Variants in EYS observed in about 807,000 individuals in gnomAD.
EYS encodes the protein protein eyes shut homolog.
Under a neutral mutation model 282.1 loss-of-function variants are expected in EYS, and 250 were observed. That is an observed-to-expected ratio of 0.89 (90% confidence interval 0.80 to 0.98). The LOEUF (loss-of-function observed/expected upper bound fraction) is 0.98. Among genes scored for constraint, EYS ranks in the 50% least tolerant of loss-of-function variants. The pLI is 0.00. For missense variants in EYS, 4,016 were observed against 3,709.0 expected, an observed-to-expected ratio of 1.08 and a Z score of -2.15; for synonymous variants, 1,355 against 1,282.9, an observed-to-expected ratio of 1.06 and a Z score of -1.20.
At chr6:65,618,426 T>A (rs1281579011) in intron 2 of EYS, among the ~76,000 whole-genome samples, 1 of 152,264 alleles carries the variant, frequency 6.6e-6, no homozygotes, top group Non-Finnish European at 1.5e-5. Context: ...TATATTTGTT[T>A]GAGTTCATTG....
intron 19 of EYS, among the ~76,000 whole-genome samples, chr6:64,837,398 C>A (rs1029891548): frequency 3.3e-5 from 5 of 151,200 alleles, no homozygotes; most frequent in Non-Finnish European, 5.9e-5. Context: ...AAATTGAAAT[C>A]TTTTCCCCTA....
chr6:65,248,731 GA>G (rs199666318), intron 12 of EYS, among the ~76,000 whole-genome samples: 17 of 149,744 alleles, frequency 1.1e-4, no homozygotes, highest in East Asian at 7.8e-4. Context: ...ATTCAAGGCA[GA>G]AAAAAAAATA....
chr6:63,929,230 A>C (rs560441195), intron 35 of EYS, among the ~76,000 whole-genome samples: 1 of 152,232 alleles, frequency 6.6e-6, no homozygotes, highest in Non-Finnish European at 1.5e-5. Context: ...TCTACTAAAC[A>C]AAAGCCCAGG....
chr6:65,534,489 G>T (rs1767894764), intron 2 of EYS, among the ~76,000 whole-genome samples: 1 of 151,958 alleles, frequency 6.6e-6, no homozygotes, highest in Non-Finnish European at 1.5e-5. Flanking sequence ...TGAAAGTAGA[G>T]CTCTGACCCA....
chr6:64,081,235 T>C (rs1771955078), intron 32 of EYS, among the ~76,000 whole-genome samples: 1 of 152,128 alleles, frequency 6.6e-6, no homozygotes, highest in African/African-American at 2.4e-5. Context: ...GAGAAAACAA[T>C]TGTCAAATTT....
At chr6:64,801,845 T>C (rs1341283516) in intron 22 of EYS, among the ~76,000 whole-genome samples, 1 of 151,996 alleles carries the variant, frequency 6.6e-6, no homozygotes, top group Non-Finnish European at 1.5e-5. Flanking sequence ...AAATGTACCA[T>C]ACCCGTCTTA....
intron 15 of EYS, among the ~76,000 whole-genome samples, chr6:64,931,287 T>G (rs16896066): frequency 0.032 from 4,913 of 152,202 alleles, 251 homozygotes; most frequent in African/African-American, 0.11. Context: ...GTATATAATT[T>G]TCTTCAAATA....
At chr6:64,583,472 C>CCAT (rs1766137849) in intron 26 of EYS, among the ~76,000 whole-genome samples, 1 of 151,760 alleles carries the variant, frequency 6.6e-6, no homozygotes, top group South Asian at 2.1e-4. Flanking sequence ...ACAAAGTAGA[C>CCAT]CATCAATGAA....
At chr6:65,392,480 C>A (rs371657100) in intron 7 of EYS, among the ~76,000 whole-genome samples, 10 of 151,844 alleles carry the variant, frequency 6.6e-5, no homozygotes, top group African/African-American at 1.5e-4. Flanking sequence ...TACAAGAAAA[C>A]AACAAACAAC....
At chr6:64,595,671 A>G (rs1044236519) in intron 24 of EYS, among the ~76,000 whole-genome samples, 6 of 152,162 alleles carry the variant, frequency 3.9e-5, no homozygotes, top group Non-Finnish European at 8.8e-5. Context: ...AGAAATTAAA[A>G]ATGCAATCCC....
intron 5 of EYS, among the ~76,000 whole-genome samples, chr6:65,462,612 G>C (rs456917): frequency 0.81 from 122,346 of 151,874 alleles, 50,252 homozygotes; most frequent in East Asian, 1. Context: ...TTTACTACAA[G>C]ATACAAGCAA....
At chr6:64,997,476 T>C in intron 14 of EYS, 106 bp downstream of exon 14, 1 of 1,021,528 alleles carries the variant, frequency 9.8e-7, no homozygotes, top group Non-Finnish European at 1.4e-6. Flanking sequence ...GCATATGTAA[T>C]ATATATACTA....
intron 5 of EYS, among the ~76,000 whole-genome samples, chr6:65,459,001 T>C (rs1398449657): frequency 6.6e-6 from 1 of 152,120 alleles, no homozygotes; most frequent in Non-Finnish European, 1.5e-5. Context: ...AATTAAAAAG[T>C]ATAGAATTTT....
Position 64,821,699 on chromosome 6 carries a change from A to T in EYS, c.3189T>A (p.Tyr1063Ter). The T allele has an allele frequency of 6.6e-7, 1 of 1,524,384 alleles. No homozygotes were observed. Among genetic ancestry groups the T allele is most frequent in the Non-Finnish European group, 8.9e-7 (1 of 1,125,614 alleles). 94.4% of individuals were successfully genotyped at this position (1,524,384 alleles called of 1,614,324 possible). The change falls in exon 21 of 43, where the codon TAT (tyrosine) becomes TAA (stop). Residue 1063 changes from tyrosine to a stop codon, truncating the protein, a stop_gained. Coordinates refer to ENST00000503581, the MANE Select transcript of EYS (RefSeq NM_001142800.2). LOFTEE classifies it high-confidence loss of function. Reference sequence around the variant, plus strand: ...TCCCATCTGCATCACATGAACATGGATATTCATTAATAAGTTCTGTGCACC... The same window carrying T: ...TCCCATCTGCATCACATGAACATGGTTATTCATTAATAAGTTCTGTGCACC... Reference protein sequence around the residue: ...HGRCTELINEYPCSCDADGTS... With the variant: ...HGRCTELINE
In EYS at chr6:65,142,479, AACACAC is replaced by A. The variant is rs71268364; in HGVS notation, c.2024-84758_2024-84753del. Among the ~76,000 whole-genome samples the A allele has an allele frequency of 8.7e-3, 1,175 of 134,980 alleles. 11 individuals are homozygous for A. Among genetic ancestry groups the A allele is most frequent in the African/African-American group, 0.025 (900 of 35,714 alleles). The allele number at this position is 134,980 out of a possible 152,430, so 88.6% of individuals were successfully genotyped here. ...CATGATAAATGGAATAGAAATACAA[AACACAC>A]ACACACACACACACACACACACACA... On this transcript the variant is annotated intron_variant, in intron 12 of 42. Transcript: ENST00000503581.
intron 2 of EYS, among the ~76,000 whole-genome samples, chr6:65,521,269 G>C (rs1282187927): frequency 6.6e-6 from 1 of 152,050 alleles, no homozygotes; most frequent in Non-Finnish European, 1.5e-5. Context: ...AGAGGCTCTA[G>C]AGTCAAAAAC....
chr6:64,327,784 C>T (rs1424002677), intron 29 of EYS, among the ~76,000 whole-genome samples: 1 of 152,098 alleles, frequency 6.6e-6, no homozygotes, highest in East Asian at 1.9e-4. Context: ...GTTAGAAAGT[C>T]CAGCCCTCTA....
At chr6:64,490,145 A>G (rs1475109225) in intron 26 of EYS, among the ~76,000 whole-genome samples, 2 of 150,936 alleles carry the variant, frequency 1.3e-5, no homozygotes, top group Admixed American at 1.3e-4. Flanking sequence ...TTTTCATGAA[A>G]GTGGAAATCT....
chr6:65,121,181 A>AT (rs1279994124), intron 12 of EYS, among the ~76,000 whole-genome samples: 1 of 152,042 alleles, frequency 6.6e-6, no homozygotes, highest in East Asian at 1.9e-4. Context: ...CCACTGAGCA[A>AT]TTCGTTTCAT....
Sources: allele counts gnomAD v4.1 joint callset (sites outside exome capture counted in the v4.1 genomes callset), GRCh38; gene constraint gnomAD v4.1.1; transcripts MANE v1.5; gene names NCBI Gene and HGNC (gene_info 2026-07-23, HGNC 2026-07-21).